Variants in MRC1 observed in about 807,000 individuals in gnomAD.
The protein encoded by MRC1 is mannose receptor C-type 1.
MRC1 carries 62 observed loss-of-function variants against 102.9 expected under a neutral mutation model. The observed-to-expected ratio is 0.60, with a 90% CI of 0.49 to 0.74. MRC1 has a LOEUF of 0.74. Ranked by LOEUF, MRC1 falls within the 30% of genes least tolerant of loss-of-function variation. The pLI is 0.00. For missense variants in MRC1, 1,237 were observed against 862.8 expected (o/e 1.43, Z -5.43); for synonymous variants, 457 against 298.4 (o/e 1.53, Z -5.48).
At chr10:17,823,497 C>A (rs1002853458) in intron 2 of MRC1, 22 bp downstream of exon 2, 46 of 780,052 alleles carry the variant, frequency 5.9e-5, no homozygotes, top group South Asian at 5.6e-4. Flanking sequence ...GGAATTTTCA[C>A]CTTCGTGTTG....
intron 5 of MRC1, among the ~76,000 whole-genome samples, chr10:17,841,740 A>ATTTTT (rs35422170): frequency 5.5e-5 from 7 of 126,734 alleles, no homozygotes; most frequent in African/African-American, 1.7e-4. Context: ...CCCCAGTGCC[A>ATTTTT]TTTTTTTTTT....
At position 17,829,990 on chromosome 10, in the gene MRC1, G is replaced by A. The variant is rs964789328; in HGVS notation, c.637+2275G>A. 1.7e-4 allele frequency among the ~76,000 whole-genome samples: 26 copies of A among 151,462 alleles called. 1 individual carries two copies. Among genetic ancestry groups the A allele is most frequent in the South Asian group, 8.3e-4 (4 of 4,816 alleles). ...TTTTCCTGTTAAATGTAAAATAATC[G>A]TAGAAAATAAATTGATTTGGTTTCA... On this transcript the variant is annotated intron_variant, in intron 3 of 29. Coordinates refer to ENST00000569591, the MANE Select transcript of MRC1 (RefSeq NM_002438.4).
chr10:17,885,018 A>G (rs1833572194), intron 21 of MRC1, among the ~76,000 whole-genome samples: 1 of 152,222 alleles, frequency 6.6e-6, no homozygotes. Flanking sequence ...GCAGGGTGCA[A>G]CTTGCACAAG....
intron 1 of MRC1, among the ~76,000 whole-genome samples, chr10:17,813,218 C>A (rs937282422): frequency 6.6e-6 from 1 of 152,146 alleles, no homozygotes; most frequent in Non-Finnish European, 1.5e-5. Context: ...AGATTTCTTG[C>A]TGCGCTGTTA....
Position 17,885,380 on chromosome 10 carries a change from C to T in MRC1, c.3092C>T (p.Thr1031Ile). The part of the protein sequence containing the change: ...LWTDGRGVHY[T>I]NWGKGYPGGR... The stretch of plus-strand genomic sequence containing the variant: ...ACGGATGGACGAGGAGTCCATTACA[C>T]AAACTGGGGGAAAGGTTACCCTGGT... The change falls in exon 22 of 30, where the codon ACA (threonine) becomes ATA (isoleucine). Residue 1031 changes from threonine to isoleucine, a missense_variant. Thr to Ile is a moderately conservative substitution (Grantham distance 89). Transcript: ENST00000569591. 2 of 780,802 alleles carry T rather than the reference C, an allele frequency of 2.6e-6. No homozygotes were observed. Among genetic ancestry groups the T allele is most frequent in the Non-Finnish European group, 2.4e-6 (1 of 417,944 alleles). 48.4% of individuals were successfully genotyped at this position (780,802 alleles called of 1,614,324 possible).
At chr10:17,834,953 G>C (rs1027902806) in intron 4 of MRC1, among the ~76,000 whole-genome samples, 14 of 152,206 alleles carry the variant, frequency 9.2e-5, no homozygotes, top group Admixed American at 4.6e-4. Flanking sequence ...CTGCTCCTAT[G>C]ACTGCCATGT....
At chr10:17,890,936 A>G (rs1051590627) in intron 22 of MRC1, among the ~76,000 whole-genome samples, 1 of 151,970 alleles carries the variant, frequency 6.6e-6, no homozygotes, top group Non-Finnish European at 1.5e-5. Context: ...CAGCAGTGGC[A>G]TTAGATTCTC....
At chr10:17,852,896 C>G in intron 7 of MRC1, 71 bp from the exon 8 acceptor site, 1 of 779,974 alleles carries the variant, frequency 1.3e-6, no homozygotes, top group Non-Finnish European at 2.4e-6. Flanking sequence ...AGAGTGCCTT[C>G]CGTTCCTTTT....
At chr10:17,901,269 T>G (rs1010594820) in intron 25 of MRC1, among the ~76,000 whole-genome samples, 11 of 152,216 alleles carry the variant, frequency 7.2e-5, no homozygotes, top group Non-Finnish European at 1.6e-4. Flanking sequence ...AAATATAGCC[T>G]TTAGTTAATC....
intron 3 of MRC1, among the ~76,000 whole-genome samples, chr10:17,831,239 C>G (rs1028677168): frequency 1.3e-5 from 2 of 150,982 alleles, no homozygotes; most frequent in Non-Finnish European, 2.9e-5. Context: ...TTGTCTAAAA[C>G]GAGTTGTTTA....
intron 4 of MRC1, among the ~76,000 whole-genome samples, chr10:17,836,433 A>T (rs1339305880): frequency 1.3e-5 from 2 of 152,198 alleles, no homozygotes; most frequent in East Asian, 3.8e-4. Flanking sequence ...AAGAGGAGAA[A>T]GTACAGAATA....
chr10:17,846,235 A>C (rs1554840220), intron 6 of MRC1, among the ~76,000 whole-genome samples: 1 of 151,824 alleles, frequency 6.6e-6, no homozygotes, highest in African/African-American at 2.4e-5. Flanking sequence ...TATCGGCTAG[A>C]CTTCAAGAAA....
chr10:17,907,509 T>G (rs782136295), intron 27 of MRC1, 25 bp from the exon 28 acceptor site: 8 of 780,504 alleles, frequency 1.0e-5, no homozygotes, highest in Middle Eastern at 2.2e-4. Context: ...AACTTTTGTC[T>G]TTATTGGTTT....
chr10:17,881,654 C>T (rs1833518909), intron 21 of MRC1, among the ~76,000 whole-genome samples: 1 of 141,226 alleles, frequency 7.1e-6, no homozygotes, highest in African/African-American at 2.6e-5. Flanking sequence ...TAAATATGAA[C>T]TTTGAACAAA....
chr10:17,877,896 T>G lies in MRC1; in HGVS notation c.2551-4T>G. ...TAAACTATACGTAAACTTCCATGTT[T>G]CAGGTAAACAGAAATGATGCACAGT... On this transcript the variant is annotated splice_region_variant and splice_polypyrimidine_tract_variant and intron_variant, in intron 17 of 29. Coordinates refer to ENST00000569591, the MANE Select transcript of MRC1 (RefSeq NM_002438.4). 8 of 872,242 alleles carry G rather than the reference T, an allele frequency of 9.2e-6. No individual in the cohort carries two copies. The highest frequency in any genetic ancestry group is 1.6e-5 in the Non-Finnish European group (8 of 501,236). The allele number at this position is 872,242 out of a possible 1,614,324, so 54.0% of individuals were successfully genotyped here.
At chr10:17,862,037 G>A (rs1010798731) in intron 10 of MRC1, among the ~76,000 whole-genome samples, 28 of 151,978 alleles carry the variant, frequency 1.8e-4, no homozygotes, top group African/African-American at 2.9e-4. Flanking sequence ...AGATTTATTC[G>A]TTTACTTTTC....
At chr10:17,821,941 G>A (rs1307790600) in intron 1 of MRC1, among the ~76,000 whole-genome samples, 1 of 152,056 alleles carries the variant, frequency 6.6e-6, no homozygotes, top group Admixed American at 6.5e-5. Flanking sequence ...TTTAATTTAT[G>A]TTTATGTCAC....
At chr10:17,907,366 TC>T (rs1210685815) in intron 27 of MRC1, among the ~76,000 whole-genome samples, 167 bp from the exon 28 acceptor site, 1 of 152,246 alleles carries the variant, frequency 6.6e-6, no homozygotes, top group African/African-American at 2.4e-5. Context: ...TTCGTTTCCT[TC>T]CCTGTAATAA....
At chr10:17,815,606 T>C (rs2130575735) in intron 1 of MRC1, among the ~76,000 whole-genome samples, 1 of 151,952 alleles carries the variant, frequency 6.6e-6, no homozygotes, top group South Asian at 2.1e-4. Flanking sequence ...TATTCATATC[T>C]TTAAGGTGGT....
Sources: gnomAD v4.1 joint callset for allele counts (sites outside exome capture counted in the v4.1 genomes callset) on GRCh38, gnomAD v4.1.1 for gene constraint, MANE v1.5 for transcripts, NCBI Gene and HGNC (gene_info 2026-07-23, HGNC 2026-07-21) for gene names.